NRG3: variants seen among roughly 807,000 people sequenced by gnomAD.
The protein encoded by NRG3 is neuregulin 3.
Under a neutral mutation model 66.9 loss-of-function variants are expected in NRG3, and 31 were observed. That is an observed-to-expected ratio of 0.46 (90% confidence interval 0.35 to 0.63). The LOEUF is 0.63. NRG3 is among the 20% of genes least tolerant of loss of function. The pLI, the probability that NRG3 is intolerant of heterozygous loss-of-function variation, is 0.00. For synonymous variants in NRG3, 393 were observed against 359.4 expected, an observed-to-expected ratio of 1.09 and a Z score of -1.06; for missense variants, 910 against 878.9, an observed-to-expected ratio of 1.04 and a Z score of -0.45.
At chr10:82,379,375 A>G (rs991708254) in intron 2 of NRG3, among the ~76,000 whole-genome samples, 8 of 152,198 alleles carry the variant, frequency 5.3e-5, no homozygotes, top group Non-Finnish European at 8.8e-5. Context: ...GCACTATTTC[A>G]AAAGAACATG....
At chr10:82,092,382 C>CCA (rs144173495) in intron 1 of NRG3, among the ~76,000 whole-genome samples, 4 of 151,468 alleles carry the variant, frequency 2.6e-5, no homozygotes, top group African/African-American at 7.3e-5. Flanking sequence ...TCAACTGAAC[C>CCA]CACACACACA....
At chr10:82,250,022 T>C (rs937971898) in intron 1 of NRG3, among the ~76,000 whole-genome samples, 2 of 152,084 alleles carry the variant, frequency 1.3e-5, no homozygotes, top group Non-Finnish European at 2.9e-5. Context: ...AAGAAGTACT[T>C]CCTCTCCAGA....
At chr10:82,364,561 G>T (rs1474875409) in intron 2 of NRG3, among the ~76,000 whole-genome samples, 1 of 152,106 alleles carries the variant, frequency 6.6e-6, no homozygotes, top group Non-Finnish European at 1.5e-5. Context: ...TTGAAAAGAG[G>T]TAGCCACTGT....
intron 2 of NRG3, among the ~76,000 whole-genome samples, chr10:82,386,191 A>G (rs2085976562): frequency 6.6e-6 from 1 of 152,200 alleles, no homozygotes; most frequent in Non-Finnish European, 1.5e-5. Context: ...TTAAACGAAA[A>G]TGAAAAGATT....
chr10:82,541,733 A>AATTGGGC, intron 2 of NRG3, among the ~76,000 whole-genome samples: 1 of 152,200 alleles, frequency 6.6e-6, no homozygotes, highest in East Asian at 1.9e-4. Flanking sequence ...TGGAGGCAGA[A>AATTGGGC]ATTGGGCATA....
At chr10:81,988,265 A>G (rs1423098417) in intron 1 of NRG3, among the ~76,000 whole-genome samples, 1 of 152,102 alleles carries the variant, frequency 6.6e-6, no homozygotes, top group African/African-American at 2.4e-5. Flanking sequence ...TAATTTGTAG[A>G]GATAAGATTT....
intron 4 of NRG3, among the ~76,000 whole-genome samples, chr10:82,948,000 T>C (rs1849174793): frequency 6.6e-6 from 1 of 152,116 alleles, no homozygotes; most frequent in African/African-American, 2.4e-5. Flanking sequence ...GCCAAATCCA[T>C]GGCACTAAGA....
intron 1 of NRG3, among the ~76,000 whole-genome samples, chr10:82,287,500 G>A (rs914748619): frequency 6.6e-6 from 1 of 151,378 alleles, no homozygotes; most frequent in Non-Finnish European, 1.5e-5. Flanking sequence ...CACTCAGGGT[G>A]AGCATGAACA....
intron 6 of NRG3, among the ~76,000 whole-genome samples, chr10:82,964,867 A>G (rs571404303): frequency 7.2e-5 from 11 of 152,330 alleles, no homozygotes; most frequent in Admixed American, 5.9e-4. Context: ...TGCTGTGTGC[A>G]TGTGGCAGAC....
chr10:81,997,021 G>T (rs2060964991), intron 1 of NRG3, among the ~76,000 whole-genome samples: 1 of 152,106 alleles, frequency 6.6e-6, no homozygotes, highest in Non-Finnish European at 1.5e-5. Flanking sequence ...TCTGTGACTA[G>T]CCAAGATAAG....
At chr10:82,895,308 G>T (rs1843545696) in intron 4 of NRG3, among the ~76,000 whole-genome samples, 1 of 152,060 alleles carries the variant, frequency 6.6e-6, no homozygotes, top group African/African-American at 2.4e-5. Flanking sequence ...CATCCTGAGG[G>T]CATCCAATAC....
At chr10:82,928,515 A>G (rs1250906673) in intron 4 of NRG3, among the ~76,000 whole-genome samples, 1 of 151,776 alleles carries the variant, frequency 6.6e-6, no homozygotes, top group Admixed American at 6.6e-5. Flanking sequence ...TAATTTTTGT[A>G]TAAGGTGTAA....
chr10:82,986,126 A>C lies in NRG3; in HGVS notation c.*521A>C, dbSNP rs1564698890. On this transcript the variant is annotated 3_prime_UTR_variant, in exon 9 of 9. Transcript: ENST00000372141. ...TGATTTTTGGAGAATGCCACAAAAG[A>C]CTCTGCAATGGGAAGGAGGACAGGA... is the stretch of plus-strand genomic sequence containing the variant. 1 of 153,348 alleles carries C rather than the reference A, an allele frequency of 6.5e-6. No homozygotes were observed. The highest frequency in any genetic ancestry group is 1.9e-4 in the East Asian group (1 of 5,204). 9.5% of individuals were successfully genotyped at this position (153,348 alleles called of 1,614,324 possible). A position where few individuals can be genotyped will look rare whatever the true frequency, so the allele number is the denominator to read the frequency against.
At chr10:82,675,052 G>A (rs1357508401) in intron 2 of NRG3, among the ~76,000 whole-genome samples, 1 of 151,890 alleles carries the variant, frequency 6.6e-6, no homozygotes, top group Non-Finnish European at 1.5e-5. Flanking sequence ...TCCGCCTCCT[G>A]GGTTCAAGCG....
At chr10:82,270,233 A>G (rs1269448658) in intron 1 of NRG3, among the ~76,000 whole-genome samples, 1 of 152,146 alleles carries the variant, frequency 6.6e-6, no homozygotes, top group African/African-American at 2.4e-5. Context: ...TTAAGTGTGT[A>G]ATCACATTGT....
At chr10:82,140,566 A>G (rs1285104389) in intron 1 of NRG3, among the ~76,000 whole-genome samples, 1 of 152,106 alleles carries the variant, frequency 6.6e-6, no homozygotes, top group African/African-American at 2.4e-5. Context: ...TCTAATCTCA[A>G]CAGAAATAAG....
At chr10:82,776,403 A>G (rs2059913249) in intron 3 of NRG3, among the ~76,000 whole-genome samples, 1 of 152,150 alleles carries the variant, frequency 6.6e-6, no homozygotes, top group Non-Finnish European at 1.5e-5. Flanking sequence ...TGCCTCAGTG[A>G]GCACCCCTTT....
At chr10:82,221,687 C>G (rs188257663) in intron 1 of NRG3, among the ~76,000 whole-genome samples, 2 of 152,222 alleles carry the variant, frequency 1.3e-5, no homozygotes, top group East Asian at 3.9e-4. Context: ...GAAAATAAAA[C>G]AAGTGATTTC....
At chr10:82,491,811 A>G (rs1429880325) in intron 2 of NRG3, among the ~76,000 whole-genome samples, 1 of 152,168 alleles carries the variant, frequency 6.6e-6, no homozygotes, top group African/African-American at 2.4e-5. Context: ...AAATAAGTGG[A>G]CAAATGTCTG....
Sources: allele counts gnomAD v4.1 joint callset (sites outside exome capture counted in the v4.1 genomes callset), GRCh38; gene constraint gnomAD v4.1.1; transcripts MANE v1.5; gene names NCBI Gene and HGNC (gene_info 2026-07-23, HGNC 2026-07-21).